Variants in RANBP6 observed in about 807,000 individuals in gnomAD.
The protein encoded by RANBP6 is RAN binding protein 6, also known as ran-binding protein 6.
In RANBP6, 10 loss-of-function variants were observed where a neutral mutation model predicts 35.3. The observed-to-expected ratio is 0.28, with a 90% CI of 0.17 to 0.48. RANBP6 has a LOEUF of 0.48. Among genes scored for constraint, RANBP6 ranks in the 20% least tolerant of loss-of-function variants. The pLI, the probability that RANBP6 is intolerant of heterozygous loss-of-function variation, is 0.99. For missense variants in RANBP6, 1,392 were observed against 1,307.7 expected (o/e 1.06, Z -0.99); for synonymous variants, 514 against 464.2 (o/e 1.11, Z -1.38).
Position 6,013,418 on chromosome 9 carries a change from T to C in RANBP6, c.2190A>G (p.Ala730=). 1 of 1,614,258 alleles carries C rather than the reference T, an allele frequency of 6.2e-7. No homozygotes were observed. Among genetic ancestry groups the C allele is most frequent in the Non-Finnish European group, 8.5e-7 (1 of 1,180,044 alleles). Residue 730 remains alanine (A), a synonymous_variant, in exon 1 of 1, where the codon GCA becomes GCG. Coordinates refer to ENST00000259569, the MANE Select transcript of RANBP6 (RefSeq NM_012416.4). ...KFYFHDNVRV[A]AAESMPFLLE... ...GGAGAAAAGGCATGGACTCTGCTGC[T>C]GCCACTCGAACATTGTCATGGAAAT...
In RANBP6 at chr9:6,015,339, G is replaced by C; in HGVS notation, c.269C>G (p.Pro90Arg). 6.2e-7 allele frequency: 1 copy of C among 1,614,200 alleles called. No homozygotes were observed. The highest frequency in any genetic ancestry group is 8.5e-7 in the Non-Finnish European group (1 of 1,180,042). Residue 90 changes from proline to arginine, a missense_variant, in exon 1 of 1, where the codon CCT (proline) becomes CGT (arginine). Transcript: ENST00000259569. ...SGFEEVYPNL[P>R]ADVQRDVKIE... Reference sequence around the variant, plus strand: ...CTTGACATCTCTCTGAACATCAGCAGGCAGATTTGGATAAACCTCCTCAAA... The same window carrying C: ...CTTGACATCTCTCTGAACATCAGCACGCAGATTTGGATAAACCTCCTCAAA...
Position 6,012,427 on chromosome 9 carries a change from A to G in RANBP6, c.3181T>C (p.Tyr1061His). ...AEGKINETINYEDPCAKRLAN... is the reference protein window; with the variant it reads ...AEGKINETINHEDPCAKRLAN... ...AGGCGTTTGGCACAAGGATCCTCATAGTTAATAGTCTCATTAATTTTTCCT... is the reference window on the plus strand; with the variant it reads ...AGGCGTTTGGCACAAGGATCCTCATGGTTAATAGTCTCATTAATTTTTCCT... Residue 1061 changes from tyrosine to histidine, a missense_variant, in exon 1 of 1, where the codon TAT (tyrosine) becomes CAT (histidine). By Grantham distance (83) the Tyr-to-His change is moderately conservative (BLOSUM62 2). Coordinates refer to ENST00000259569, the MANE Select transcript of RANBP6 (RefSeq NM_012416.4). 3 of 1,613,994 alleles carry G rather than the reference A, an allele frequency of 1.9e-6. No individual in the cohort carries two copies. Among genetic ancestry groups the G allele is most frequent in the Non-Finnish European group, 2.5e-6 (3 of 1,179,930 alleles).
rs1204994563 is a variant in RANBP6 at position 6,012,397 on chromosome 9, T to C, written c.3211A>G (p.Asn1071Asp). 6.2e-7 allele frequency: 1 copy of C among 1,614,002 alleles called. No individual in the cohort carries two copies. The highest frequency in any genetic ancestry group is 1.6e-4 in the Middle Eastern group (1 of 6,062). ...GAAGTCTGTACCTGACGCACGACAT[T>C]AGCTAGGCGTTTGGCACAAGGATCC... ...YEDPCAKRLA[N>D]VVRQVQTSED... is the part of the protein sequence containing the mutation. Residue 1071 changes from asparagine to aspartate, a missense_variant, in exon 1 of 1, where the codon AAT (asparagine) becomes GAT (aspartate). Physicochemically the swap from Asn to Asp is conservative, Grantham distance 23. Coordinates refer to ENST00000259569, the MANE Select transcript of RANBP6 (RefSeq NM_012416.4).
chr9:6,012,346 A>G lies in RANBP6; in HGVS notation c.3262T>C (p.Ser1088Pro). The change falls in exon 1 of 1, where the codon TCA becomes CCA. Residue 1088 changes from serine to proline, a missense_variant. Coordinates refer to ENST00000259569, the MANE Select transcript of RANBP6 (RefSeq NM_012416.4). The part of the protein sequence containing the change: ...TSEDLWLECV[S>P]QLDDEQQEAL... The stretch of plus-strand genomic sequence containing the variant: ...TCCTGCTGTTCATCATCAAGTTGTG[A>G]TACACATTCCAACCATAAATCTTCA... 1 of 1,605,704 alleles carries G rather than the reference A, an allele frequency of 6.2e-7. No homozygotes were observed. Among genetic ancestry groups the G allele is most frequent in the Non-Finnish European group, 8.5e-7 (1 of 1,177,760 alleles).
Position 6,012,914 on chromosome 9 carries a change from G to C in RANBP6, c.2694C>G (p.Asp898Glu). The C allele has an allele frequency of 6.2e-7, 1 of 1,614,110 alleles. No homozygotes were observed. Among genetic ancestry groups the C allele is most frequent in the Non-Finnish European group, 8.5e-7 (1 of 1,180,014 alleles). ...DRQWGLCIFDDIIEHCSPTSF... is the reference protein window; with the variant it reads ...DRQWGLCIFDEIIEHCSPTSF... The stretch of plus-strand genomic sequence containing the variant: ...AAGTTGGACTGCAGTGCTCTATGAT[G>C]TCATCAAATATGCACAATCCCCACT... The change falls in exon 1 of 1, where the codon GAC (aspartate) becomes GAG (glutamate). Residue 898 changes from aspartate to glutamate, a missense_variant. Transcript: ENST00000259569.
In RANBP6 at chr9:6,014,945, G is replaced by A; in HGVS notation, c.663C>T (p.Asp221=). The A allele has an allele frequency of 1.9e-6, 3 of 1,614,184 alleles. No homozygotes were observed. Among genetic ancestry groups the A allele is most frequent in the Non-Finnish European group, 2.5e-6 (3 of 1,180,048 alleles). ...AGATTCCAGGAAGCAAGTCTGCAAA[G>A]TCTTTGAAAAGAGCAATATTATTCT... The part of the protein sequence containing the change: ...ANENNIALFK[D]FADLLPGILQ... The change falls in exon 1 of 1, where the codon GAC becomes GAT. Residue 221 remains aspartate (D), a synonymous_variant. Coordinates refer to ENST00000259569, the MANE Select transcript of RANBP6 (RefSeq NM_012416.4).
chr9:6,012,719 A>C lies in RANBP6; in HGVS notation c.2889T>G (p.Ile963Met). ...SEAVPLLVKVIKCANSKTKKN... is the reference protein window; with the variant it reads ...SEAVPLLVKVMKCANSKTKKN... The stretch of plus-strand genomic sequence containing the variant: ...TTTTGGTTTTGGAATTTGCACACTT[A>C]ATAACTTTTACCAGAAGTGGAACAG... Residue 963 changes from isoleucine (I) to methionine (M), a missense_variant, in exon 1 of 1, where the codon ATT (isoleucine) becomes ATG (methionine). Ile to Met is a conservative substitution (Grantham distance 10). Coordinates refer to ENST00000259569, the MANE Select transcript of RANBP6 (RefSeq NM_012416.4). 1 of 1,614,142 alleles carries C rather than the reference A, an allele frequency of 6.2e-7. No individual in the cohort carries two copies. Among genetic ancestry groups the C allele is most frequent in the Non-Finnish European group, 8.5e-7 (1 of 1,180,020 alleles).
Position 6,014,824 on chromosome 9 carries a change from A to G in RANBP6, c.784T>C (p.Tyr262His). 1 of 1,614,204 alleles carries G rather than the reference A, an allele frequency of 6.2e-7. No individual in the cohort carries two copies. The highest frequency in any genetic ancestry group is 2.2e-5 in the East Asian group (1 of 44,886). Residue 262 changes from tyrosine (Y) to histidine (H), a missense_variant, in exon 1 of 1, where the codon TAT becomes CAT. Physicochemically the swap from Tyr to His is moderately conservative, Grantham distance 83. Coordinates refer to ENST00000259569, the MANE Select transcript of RANBP6 (RefSeq NM_012416.4). ...ADTVPKYLGP[Y>H]LEDTLQLSLK... ...CTCAACTGTAGAGTATCTTCTAAAT[A>G]AGGACCCAAGTACTTAGGTACGGTA...
rs774227236 is a variant in RANBP6, at chr9:6,015,476, G to A, written c.132C>T (p.Ile44=). The A allele has an allele frequency of 4.5e-5, 72 of 1,614,002 alleles. No homozygotes were observed. Among genetic ancestry groups the A allele is most frequent in the Non-Finnish European group, 5.8e-5 (69 of 1,180,042 alleles). ...RRQAEEIYEN[I]PGLCKTTFLL... is the part of the protein sequence containing the mutation. Reference sequence around the variant, plus strand: ...GGAAGGTAGTCTTACACAGACCTGGGATATTTTCATAGATTTCCTCTGCTT... The same window carrying A: ...GGAAGGTAGTCTTACACAGACCTGGAATATTTTCATAGATTTCCTCTGCTT... The change falls in exon 1 of 1, where the codon ATC becomes ATT. Residue 44 remains isoleucine, a synonymous_variant. Transcript: ENST00000259569.
chr9:6,013,250 T>G lies in RANBP6; in HGVS notation c.2358A>C (p.Glu786Asp). ...EIMNSFAKSI[E>D]VMGDGCLNDE... ...CATTAAGGCAACCATCTCCCATAAC[T>G]TCAATGGACTTTGCAAAAGAATTCA... The change falls in exon 1 of 1, where the codon GAA (glutamate) becomes GAC (aspartate). Residue 786 changes from glutamate to aspartate, a missense_variant. Coordinates refer to ENST00000259569, the MANE Select transcript of RANBP6 (RefSeq NM_012416.4). 6.2e-7 allele frequency: 1 copy of G among 1,614,166 alleles called. No homozygotes were observed. The highest frequency in any genetic ancestry group is 2.2e-5 in the East Asian group (1 of 44,884).
At position 6,013,624 on chromosome 9, in the gene RANBP6, C is replaced by G. The variant is rs61758806; in HGVS notation, c.1984G>C (p.Asp662His). Residue 662 changes from aspartate to histidine, a missense_variant, in exon 1 of 1, where the codon GAT becomes CAT. Transcript: ENST00000259569. Reference sequence around the variant, plus strand: ...AGATTTACAAATTGCCAGCCATCATCGTCACTCATATTTTCCACATCCTGT... The same window carrying G: ...AGATTTACAAATTGCCAGCCATCATGGTCACTCATATTTTCCACATCCTGT... ...DTQDVENMSD[D>H]DGWQFVNLGD... 2 of 1,614,066 alleles carry G rather than the reference C, an allele frequency of 1.2e-6. No homozygotes were observed. Among genetic ancestry groups the G allele is most frequent in the African/African-American group, 2.7e-5 (2 of 74,938 alleles).
Position 6,013,024 on chromosome 9 carries a change from TATA to T in RANBP6, c.2581_2583del (p.Tyr861del). 6.2e-7 allele frequency: 1 copy of T among 1,613,740 alleles called. No homozygotes were observed. The highest frequency in any genetic ancestry group is 2.2e-5 in the East Asian group (1 of 44,880). ...TCAAACCATGGTAAAATCTTTTCCT[TATA>T]AGTACTAAATAATGAGTGCAAAATA... On this transcript the variant is annotated inframe_deletion, in exon 1 of 1. Coordinates refer to ENST00000259569, the MANE Select transcript of RANBP6 (RefSeq NM_012416.4).
Position 6,011,489 on chromosome 9 carries a change from A to C in RANBP6, c.*801T>G, listed in dbSNP as rs185619071. On this transcript the variant is annotated 3_prime_UTR_variant, in exon 1 of 1. Coordinates refer to ENST00000259569, the MANE Select transcript of RANBP6 (RefSeq NM_012416.4). ...TTTGCAGGGAGAAAATGGCATACAT[A>C]TACAAAATAATACTCTGCTGAAACA... The C allele has an allele frequency of 6.6e-5, 10 of 152,340 alleles. No individual in the cohort carries two copies. The highest frequency in any genetic ancestry group is 2.0e-4 in the Admixed American group (3 of 15,304). The allele number at this position is 152,340 out of a possible 1,614,324, so 9.4% of individuals were successfully genotyped here.
chr9:6,014,588 A>C lies in RANBP6; in HGVS notation c.1020T>G (p.Phe340Leu). 1 of 1,614,196 alleles carries C rather than the reference A, an allele frequency of 6.2e-7. No homozygotes were observed. The highest frequency in any genetic ancestry group is 8.5e-7 in the Non-Finnish European group (1 of 1,180,044). ...VNADEMEEDD[F>L]DSNAVAAESA... ...TCTCCGCAGCAACTGCATTGCTGTCAAAATCATCTTCTTCCATTTCATCAG... is the reference window on the plus strand; with the variant it reads ...TCTCCGCAGCAACTGCATTGCTGTCCAAATCATCTTCTTCCATTTCATCAG... The change falls in exon 1 of 1, where the codon TTT becomes TTG. Residue 340 changes from phenylalanine to leucine, a missense_variant. Transcript: ENST00000259569.
At position 6,011,187 on chromosome 9, in the gene RANBP6, C is replaced by T. The variant is rs538037205; in HGVS notation, c.*1103G>A. The T allele has an allele frequency of 6.6e-6, 1 of 152,318 alleles. No individual in the cohort carries two copies. Among genetic ancestry groups the T allele is most frequent in the Non-Finnish European group, 1.5e-5 (1 of 68,020 alleles). The allele number at this position is 152,318 out of a possible 1,614,324, so 9.4% of individuals were successfully genotyped here. A position where few individuals can be genotyped will look rare whatever the true frequency, so the allele number is the denominator to read the frequency against. ...CGTTAGCTGAGTAGAAAGCTCTTTTCTACCCTACAATAAGCTCGACATTAA... is the reference window on the plus strand; with the variant it reads ...CGTTAGCTGAGTAGAAAGCTCTTTTTTACCCTACAATAAGCTCGACATTAA... On this transcript the variant is annotated 3_prime_UTR_variant, in exon 1 of 1. Coordinates refer to ENST00000259569, the MANE Select transcript of RANBP6 (RefSeq NM_012416.4).
Position 6,012,326 on chromosome 9 carries a change from C to A in RANBP6, c.3282G>T (p.Gln1094His), listed in dbSNP as rs983856476. 6.3e-7 allele frequency: 1 copy of A among 1,588,762 alleles called. No homozygotes were observed. The change falls in exon 1 of 1, where the codon CAG becomes CAT. Residue 1094 changes from glutamine to histidine, a missense_variant. Coordinates refer to ENST00000259569, the MANE Select transcript of RANBP6 (RefSeq NM_012416.4). The part of the protein sequence containing the change: ...LECVSQLDDE[Q>H]QEALQELLNF... The stretch of plus-strand genomic sequence containing the variant: ...TTAGCAACTCCTGTAAGGCTTCCTG[C>A]TGTTCATCATCAAGTTGTGATACAC...
In RANBP6 at chr9:6,015,451, G is replaced by A. The variant is rs1423535599; in HGVS notation, c.157C>T (p.Leu53Phe). The A allele has an allele frequency of 6.2e-7, 1 of 1,614,052 alleles. No individual in the cohort carries two copies. Among genetic ancestry groups the A allele is most frequent in the Admixed American group, 1.7e-5 (1 of 60,004 alleles). ...CTTCTATTTCTGACGGCATCTAAGA[G>A]GAAGGTAGTCTTACACAGACCTGGG... Reference protein sequence around the residue: ...NIPGLCKTTFLLDAVRNRRAG... With the variant: ...NIPGLCKTTFFLDAVRNRRAG... The change falls in exon 1 of 1, where the codon CTC (leucine) becomes TTC (phenylalanine). Residue 53 changes from leucine (L) to phenylalanine (F), a missense_variant. By Grantham distance (22) the Leu-to-Phe change is conservative. Coordinates refer to ENST00000259569, the MANE Select transcript of RANBP6 (RefSeq NM_012416.4).
Position 6,015,164 on chromosome 9 carries a change from G to T in RANBP6, c.444C>A (p.Ile148=), listed in dbSNP as rs1307086053. 6.2e-7 allele frequency: 1 copy of T among 1,614,128 alleles called. No homozygotes were observed. The highest frequency in any genetic ancestry group is 8.5e-7 in the Non-Finnish European group (1 of 1,180,044). The change falls in exon 1 of 1, where the codon ATC becomes ATA. Residue 148 remains isoleucine, a synonymous_variant. Coordinates refer to ENST00000259569, the MANE Select transcript of RANBP6 (RefSeq NM_012416.4). ...PEGLKFLIDS[I]YSKNVVLWEV... is the part of the protein sequence containing the mutation. ...CCCATAGAACCACATTTTTGGAGTA[G>T]ATTGAATCAATAAGAAACTTCAGAC...
In RANBP6 at chr9:6,015,487, A is replaced by G; in HGVS notation, c.121T>C (p.Tyr41His). The G allele has an allele frequency of 6.2e-7, 1 of 1,614,058 alleles. No individual in the cohort carries two copies. The highest frequency in any genetic ancestry group is 2.2e-5 in the East Asian group (1 of 44,886). The change falls in exon 1 of 1, where the codon TAT becomes CAT. Residue 41 changes from tyrosine to histidine, a missense_variant. Transcript: ENST00000259569. ...TTACACAGACCTGGGATATTTTCATAGATTTCCTCTGCTTGCCTCCGCACC... is the reference window on the plus strand; with the variant it reads ...TTACACAGACCTGGGATATTTTCATGGATTTCCTCTGCTTGCCTCCGCACC... ...CMVRRQAEEI[Y>H]ENIPGLCKTT...
Sources: allele counts gnomAD v4.1 joint callset, GRCh38; gene constraint gnomAD v4.1.1; transcripts MANE v1.5; gene names NCBI Gene and HGNC (gene_info 2026-07-23, HGNC 2026-07-21).